The following DOK6 variants were observed in gnomAD, a reference collection of about 807,000 sequenced individuals.
The protein encoded by DOK6 is downstream of tyrosine kinase 6.
A neutral mutation model predicts 44.0 loss-of-function variants in DOK6; 22 were observed. The ratio of observed to expected loss-of-function variants is 0.50; its 90% CI spans 0.36 to 0.71. DOK6 has a LOEUF of 0.71. Ranked by LOEUF, DOK6 falls within the 30% of genes least tolerant of loss-of-function variation. The pLI is 0.00. For synonymous variants in DOK6, 166 were observed against 145.5 expected (o/e 1.14, Z -1.01); for missense variants, 340 against 416.4 (o/e 0.82, Z 1.60).
At chr18:69,713,989 A>C (rs1200524640) in intron 5 of DOK6, among the ~76,000 whole-genome samples, 2 of 152,164 alleles carry the variant, frequency 1.3e-5, no homozygotes, top group South Asian at 4.1e-4. Flanking sequence ...GTACACACCT[A>C]ATCTATGATC....
At chr18:69,813,706 C>T (rs181997783) in intron 7 of DOK6, among the ~76,000 whole-genome samples, 3 of 152,002 alleles carry the variant, frequency 2.0e-5, no homozygotes, top group African/African-American at 7.2e-5. Context: ...GTTTCAGAAG[C>T]TACAAAGCAC....
At chr18:69,534,265 C>T (rs958424048) in intron 1 of DOK6, among the ~76,000 whole-genome samples, 1 of 151,966 alleles carries the variant, frequency 6.6e-6, no homozygotes, top group Admixed American at 6.6e-5. Flanking sequence ...TGTAATTTAA[C>T]AAAAATACTA....
chr18:69,674,619 C>T (rs1460963942), intron 3 of DOK6, among the ~76,000 whole-genome samples: 1 of 152,026 alleles, frequency 6.6e-6, no homozygotes, highest in Non-Finnish European at 1.5e-5. Flanking sequence ...ATTACACATA[C>T]AGTGCTATGC....
chr18:69,589,203 G>A (rs139808485), intron 2 of DOK6, among the ~76,000 whole-genome samples: 33 of 152,198 alleles, frequency 2.2e-4, no homozygotes, highest in African/African-American at 6.3e-4. Flanking sequence ...TTCAAGCATA[G>A]AGAGATTAAC....
chr18:69,826,908 T>C (rs1048548725), intron 7 of DOK6, among the ~76,000 whole-genome samples: 1 of 152,106 alleles, frequency 6.6e-6, no homozygotes, highest in Non-Finnish European at 1.5e-5. Context: ...AATTCTCAAC[T>C]CTCCTATTGG....
intron 1 of DOK6, among the ~76,000 whole-genome samples, chr18:69,474,261 C>A (rs1219398352): frequency 6.6e-6 from 1 of 151,994 alleles, no homozygotes; most frequent in Non-Finnish European, 1.5e-5. Flanking sequence ...CTTCTCCATC[C>A]CCCTTCCATT....
At chr18:69,517,633 T>A (rs1981565836) in intron 1 of DOK6, among the ~76,000 whole-genome samples, 1 of 152,218 alleles carries the variant, frequency 6.6e-6, no homozygotes, top group East Asian at 1.9e-4. Context: ...TTTAACTTAG[T>A]ATTCAAAGAC....
intron 5 of DOK6, among the ~76,000 whole-genome samples, chr18:69,711,309 G>A (rs1368456076): frequency 1.3e-5 from 2 of 152,128 alleles, no homozygotes; most frequent in Admixed American, 6.5e-5. Context: ...ATACAATCCC[G>A]ATGATAGTGG....
intron 2 of DOK6, among the ~76,000 whole-genome samples, chr18:69,579,910 A>T (rs1218490804): frequency 6.6e-6 from 1 of 151,650 alleles, no homozygotes; most frequent in Non-Finnish European, 1.5e-5. Flanking sequence ...GGCGTGAACC[A>T]CTCTGCCCGG....
intron 5 of DOK6, among the ~76,000 whole-genome samples, chr18:69,704,500 A>G (rs1599273919): frequency 2.2e-5 from 2 of 90,500 alleles, no homozygotes; most frequent in African/African-American, 4.3e-5. Flanking sequence ...TTTTTTGGAG[A>G]CGGAGCCTTG....
At chr18:69,403,789 G>C (rs1285182373) in intron 1 of DOK6, among the ~76,000 whole-genome samples, 2 of 152,058 alleles carry the variant, frequency 1.3e-5, no homozygotes, top group Non-Finnish European at 2.9e-5. Flanking sequence ...GTAAAACTAA[G>C]CAAATATTGT....
chr18:69,792,535 G>T (rs1441646760), intron 7 of DOK6, among the ~76,000 whole-genome samples: 2 of 151,804 alleles, frequency 1.3e-5, no homozygotes, highest in South Asian at 4.2e-4. Flanking sequence ...TGTTGATTTT[G>T]TATCCTGCAA....
At chr18:69,422,903 A>G (rs7235459) in intron 1 of DOK6, among the ~76,000 whole-genome samples, 55,301 of 152,076 alleles carry the variant, frequency 0.36, 10,121 homozygotes, top group Middle Eastern at 0.44. Context: ...GATTTTTTAA[A>G]TATAATATTT....
chr18:69,497,721 G>A (rs1980932799), intron 1 of DOK6, among the ~76,000 whole-genome samples: 1 of 152,164 alleles, frequency 6.6e-6, no homozygotes, highest in African/African-American at 2.4e-5. Context: ...TTGATCTGCA[G>A]ATTCTAGGGA....
chr18:69,491,827 A>C (rs1192382032), intron 1 of DOK6, among the ~76,000 whole-genome samples: 1 of 152,248 alleles, frequency 6.6e-6, no homozygotes, highest in African/African-American at 2.4e-5. Context: ...CATGCTGTCT[A>C]TAAATATATA....
chr18:69,655,527 T>G (rs1230826803), intron 3 of DOK6, among the ~76,000 whole-genome samples: 1 of 150,890 alleles, frequency 6.6e-6, no homozygotes, highest in African/African-American at 2.4e-5. Context: ...TCGAGGTGGG[T>G]GGATTGCCTG....
intron 1 of DOK6, among the ~76,000 whole-genome samples, chr18:69,456,458 T>C (rs572467474): frequency 1.1e-4 from 16 of 152,316 alleles, no homozygotes; most frequent in African/African-American, 3.4e-4. Flanking sequence ...GTTGCATCCA[T>C]GTTGCTGCAA....
chr18:69,576,220 G>T (rs1365904747), intron 2 of DOK6, among the ~76,000 whole-genome samples: 1 of 151,878 alleles, frequency 6.6e-6, no homozygotes, highest in Non-Finnish European at 1.5e-5. Context: ...TGGATCTCCA[G>T]AATTGGGAAA....
At chr18:69,565,519 GTGTA>G (rs1173064406) in intron 2 of DOK6, among the ~76,000 whole-genome samples, 11 of 5,812 alleles carry the variant, frequency 1.9e-3, no homozygotes, top group African/African-American at 3.9e-3. Flanking sequence ...GTGTGTGTGT[GTGTA>G]TATATATATA....
Sources: gnomAD v4.1 joint callset for allele counts (sites outside exome capture counted in the v4.1 genomes callset) on GRCh38, gnomAD v4.1.1 for gene constraint, MANE v1.5 for transcripts, NCBI Gene and HGNC (gene_info 2026-07-23, HGNC 2026-07-21) for gene names.